Variants in EHMT1 observed in about 807,000 individuals in gnomAD.
The protein encoded by EHMT1 is euchromatic histone lysine methyltransferase 1.
Under a neutral mutation model 147.2 loss-of-function variants are expected in EHMT1, and 15 were observed. The observed-to-expected ratio is 0.10, with a 90% CI of 0.07 to 0.16. The LOEUF is 0.16. Among genes scored for constraint, EHMT1 ranks in the 10% least tolerant of loss-of-function variants. EHMT1 has a pLI of 1.00. For missense variants in EHMT1, 1,587 were observed against 1,772.4 expected (o/e 0.90, Z 1.88); for synonymous variants, 795 against 709.6 (o/e 1.12, Z -1.91).
At position 137,717,934 on chromosome 9, in the gene EHMT1, C is replaced by A. The variant is rs534910809; in HGVS notation, c.642+752C>A. ...GACATGCCGAGGTCTCCCTCCCAAC[C>A]CTGAGCTGCTGGGCTCAGCCGTACC... On this transcript the variant is annotated intron_variant, in intron 3 of 26. Coordinates refer to ENST00000460843, the MANE Select transcript of EHMT1 (RefSeq NM_024757.5). 6.6e-5 allele frequency among the ~76,000 whole-genome samples: 10 copies of A among 152,348 alleles called. No individual in the cohort carries two copies. In the South Asian group the frequency reaches 2.1e-3, roughly 32 times the overall value.
chr9:137,716,600 A>G (rs780048827), intron 2 of EHMT1, 26 bp from the exon 3 acceptor site: 2 of 1,538,930 alleles, frequency 1.3e-6, no homozygotes, highest in South Asian at 1.3e-5. Flanking sequence ...GCCTGCAGTC[A>G]GTGACACTCG....
chr9:137,664,596 T>G (rs1939434428), intron 1 of EHMT1, among the ~76,000 whole-genome samples: 1 of 152,168 alleles, frequency 6.6e-6, no homozygotes, highest in African/African-American at 2.4e-5. Context: ...TTTTTTTTTT[T>G]GCCAGTTCAA....
At chr9:137,740,117 G>A (rs1265160552) in intron 4 of EHMT1, among the ~76,000 whole-genome samples, 3 of 151,986 alleles carry the variant, frequency 2.0e-5, no homozygotes, top group Non-Finnish European at 4.4e-5. Context: ...TTTCTTCCTT[G>A]TCCACACCTC....
At position 137,643,951 on chromosome 9, in the gene EHMT1, T is replaced by C. The variant is rs564843564; in HGVS notation, c.21+24902T>C. Reference sequence around the variant, plus strand: ...GCAGCATGCGTTGTCTTCTCACCCCTGTCTGACGTGTCATTGCGTGGTAAA... The same window carrying C: ...GCAGCATGCGTTGTCTTCTCACCCCCGTCTGACGTGTCATTGCGTGGTAAA... On this transcript the variant is annotated intron_variant, in intron 1 of 26. Coordinates refer to ENST00000460843, the MANE Select transcript of EHMT1 (RefSeq NM_024757.5). 1.3e-4 allele frequency among the ~76,000 whole-genome samples: 20 copies of C among 152,340 alleles called. No homozygotes were observed. In the East Asian group the frequency reaches 3.7e-3, roughly 28 times the overall value.
At chr9:137,816,134 G>A (rs1453907954) in intron 23 of EHMT1, 72 bp downstream of exon 23, 16 of 1,383,470 alleles carry the variant, frequency 1.2e-5, no homozygotes, top group Middle Eastern at 1.8e-4. Context: ...AGGTCACCCC[G>A]ACAGACAAGA....
Position 137,787,840 on chromosome 9 carries a change from T to C in EHMT1, c.2383-3008T>C. 3.9e-6 allele frequency: 4 copies of C among 1,027,270 alleles called. No homozygotes were observed. The highest frequency in any genetic ancestry group is 4.6e-6 in the Non-Finnish European group (3 of 648,320). The allele number at this position is 1,027,270 out of a possible 1,614,324, so 63.6% of individuals were successfully genotyped here. Reference sequence around the variant, plus strand: ...GCCACCCCCCAGTAGGCAGAGCTGGTTGACGGTGGACATTGGGGATAGGAG... The same window carrying C: ...GCCACCCCCCAGTAGGCAGAGCTGGCTGACGGTGGACATTGGGGATAGGAG... On this transcript the variant is annotated intron_variant, in intron 15 of 26. Coordinates refer to ENST00000460843, the MANE Select transcript of EHMT1 (RefSeq NM_024757.5). The surrounding 1 kb of genome is among the most constrained non-coding windows in gnomAD (Gnocchi z 4.2).
chr9:137,834,149 C>A, intron 25 of EHMT1, 200 bp from the exon 26 acceptor site: 1 of 678,872 alleles, frequency 1.5e-6, no homozygotes, highest in Non-Finnish European at 2.5e-6. Context: ...CGGCAGGGTG[C>A]GGGGTGGGTG....
chr9:137,651,987 C>A (rs538247189), intron 1 of EHMT1, among the ~76,000 whole-genome samples: 1 of 152,246 alleles, frequency 6.6e-6, no homozygotes, highest in South Asian at 2.1e-4. Context: ...TCCTATGTTA[C>A]TGGTGTATGT....
At chr9:137,777,132 T>C (rs547656266) in intron 12 of EHMT1, 110 of 420,290 alleles carry the variant, frequency 2.6e-4, no homozygotes, top group African/African-American at 2.0e-3. Flanking sequence ...GGCACAGTCC[T>C]GTTGGTACAC....
At position 137,743,451 on chromosome 9, in the gene EHMT1, A is replaced by G; in HGVS notation, c.904A>G (p.Lys302Glu). Residue 302 changes from lysine to glutamate, a missense_variant, in exon 5 of 27, where the codon AAA becomes GAA. Coordinates refer to ENST00000460843, the MANE Select transcript of EHMT1 (RefSeq NM_024757.5). ...RMGTYSLVPKKKTKVLKQRTV... is the reference protein window; with the variant it reads ...RMGTYSLVPKEKTKVLKQRTV... ...GGGAACCTATAGCCTGGTTCCTAAGAAAAAGACCAAAGTATTAAAACAGAG... is the reference window on the plus strand; with the variant it reads ...GGGAACCTATAGCCTGGTTCCTAAGGAAAAGACCAAAGTATTAAAACAGAG... 6.2e-7 allele frequency: 1 copy of G among 1,613,944 alleles called. No individual in the cohort carries two copies. Among genetic ancestry groups the G allele is most frequent in the East Asian group, 2.2e-5 (1 of 44,870 alleles).
At chr9:137,789,597 GC>G (rs1292453232) in intron 15 of EHMT1, among the ~76,000 whole-genome samples, 2 of 152,198 alleles carry the variant, frequency 1.3e-5, no homozygotes, top group Non-Finnish European at 2.9e-5. Flanking sequence ...GTCACTGTGC[GC>G]CTCCAGGCCT....
rs571203834 is a variant in EHMT1, at chr9:137,716,830, C to T, written c.290C>T (p.Ser97Leu). ...ACTCGGATAGCGGAAAATGGGGTTT[C>T]AGAAAGAGACTCAGAAGCGGCGAAG... ...TLTRIAENGV[S>L]ERDSEAAKQN... Residue 97 changes from serine (S) to leucine (L), a missense_variant, in exon 3 of 27, where the codon TCA becomes TTA. Transcript: ENST00000460843. 2.8e-5 allele frequency: 45 copies of T among 1,613,304 alleles called. No individual in the cohort carries two copies. The Admixed American group carries it at 7.5e-4, about 27-fold the overall frequency.
intron 9 of EHMT1, among the ~76,000 whole-genome samples, chr9:137,759,555 G>A (rs1207818080): frequency 6.6e-6 from 1 of 152,230 alleles, no homozygotes; most frequent in Non-Finnish European, 1.5e-5. Flanking sequence ...GCCAAAGGGC[G>A]AGAGCCAACA....
intron 25 of EHMT1, among the ~76,000 whole-genome samples, chr9:137,820,514 T>C (rs770741315): frequency 2.6e-5 from 4 of 152,260 alleles, no homozygotes; most frequent in Non-Finnish European, 5.9e-5. Flanking sequence ...TAGTTCAGTT[T>C]ATCAGTCTTT....
At chr9:137,762,531 C>T in intron 9 of EHMT1, 144 bp from the exon 10 acceptor site, 2 of 1,422,622 alleles carry the variant, frequency 1.4e-6, no homozygotes, top group East Asian at 4.9e-5. Flanking sequence ...CCGCCCCACG[C>T]AGGGCTGTTT....
chr9:137,804,820 G>C (rs1004622695), intron 18 of EHMT1, among the ~76,000 whole-genome samples: 1 of 151,968 alleles, frequency 6.6e-6, no homozygotes, highest in Non-Finnish European at 1.5e-5. Flanking sequence ...GCCATTTGTT[G>C]AGAAAACCAT....
intron 15 of EHMT1, chr9:137,784,116 T>A: frequency 2.1e-6 from 3 of 1,454,734 alleles, no homozygotes; most frequent in Non-Finnish European, 2.8e-6. Flanking sequence ...TTCTGCAGGC[T>A]GGGAAGCCCA....
rs989103421 is a variant in EHMT1 at position 137,835,040 on chromosome 9, C to T, written c.*87C>T. The T allele has an allele frequency of 3.0e-6, 4 of 1,314,160 alleles. No homozygotes were observed. Among genetic ancestry groups the T allele is most frequent in the African/African-American group, 1.6e-5 (1 of 63,470 alleles). The allele number at this position is 1,314,160 out of a possible 1,614,324, so 81.4% of individuals were successfully genotyped here. A position where few individuals can be genotyped will look rare whatever the true frequency, so the allele number is the denominator to read the frequency against. On this transcript the variant is annotated 3_prime_UTR_variant, in exon 27 of 27. Transcript: ENST00000460843. ...GAGGAGGAGAGATTCCGCACGCAAC[C>T]GAAAGGGTCCTTCGGGGCTGCGCCG...
At position 137,762,538 on chromosome 9, in the gene EHMT1, G is replaced by C. The variant is rs1476257201; in HGVS notation, c.1502-137G>C. 4 of 1,477,316 alleles carry C rather than the reference G, an allele frequency of 2.7e-6. No homozygotes were observed. The Admixed American group carries it at 7.7e-5, about 28-fold the overall frequency. The allele number at this position is 1,477,316 out of a possible 1,614,324, so 91.5% of individuals were successfully genotyped here. ...GGCCATCCCCGCCCCACGCAGGGCTGTTTGTGCTGGGTAATCAACCGCATT... is the reference window on the plus strand; with the variant it reads ...GGCCATCCCCGCCCCACGCAGGGCTCTTTGTGCTGGGTAATCAACCGCATT... On this transcript the variant is annotated intron_variant, in intron 9 of 26. Coordinates refer to ENST00000460843, the MANE Select transcript of EHMT1 (RefSeq NM_024757.5).
Sources: gnomAD v4.1 joint callset for allele counts (sites outside exome capture counted in the v4.1 genomes callset) on GRCh38, gnomAD v4.1.1 for gene constraint, Gnocchi (gnomAD v3.1) non-coding constraint, MANE v1.5 for transcripts, NCBI Gene and HGNC (gene_info 2026-07-23, HGNC 2026-07-21) for gene names.